Variants in TBCK observed in about 807,000 individuals in gnomAD.
TBCK encodes the protein TBC1 domain containing kinase.
Under a neutral mutation model 113.4 loss-of-function variants are expected in TBCK, and 99 were observed. The ratio of observed to expected loss-of-function variants is 0.87; its 90% CI spans 0.74 to 1.03. The LOEUF is 1.03. Ranked by LOEUF, TBCK falls within the 50% of genes least tolerant of loss-of-function variation. The pLI, the probability that TBCK is intolerant of heterozygous loss-of-function variation, is 0.00. For missense variants in TBCK, 1,045 were observed against 1,061.3 expected (o/e 0.98, Z 0.21); for synonymous variants, 369 against 370.8 (o/e 1.00, Z 0.05).
At chr4:106,213,543 T>C (rs1057224715) in intron 19 of TBCK, 2 of 154,526 alleles carry the variant, frequency 1.3e-5, no homozygotes, top group African/African-American at 4.8e-5. Context: ...GGGCGAGGCA[T>C]TGCCTCACTC....
intron 25 of TBCK, 126 bp downstream of exon 25, chr4:106,095,356 A>C: frequency 1.2e-6 from 1 of 821,278 alleles, no homozygotes; most frequent in Non-Finnish European, 1.8e-6. Context: ...AAGAACACAG[A>C]CAAATCTTCA....
At chr4:106,278,558 C>CCA (rs1553987887) in intron 3 of TBCK, among the ~76,000 whole-genome samples, 4 of 22,134 alleles carry the variant, frequency 1.8e-4, no homozygotes, top group Non-Finnish European at 3.3e-4. Context: ...AACTCTGTCT[C>CCA]AAAAAAAAAA....
rs1175734235 is a variant in TBCK, at chr4:106,046,264, A to G, written c.*306T>C. The G allele has an allele frequency of 1.3e-5, 3 of 230,462 alleles. No homozygotes were observed. Among genetic ancestry groups the G allele is most frequent in the Non-Finnish European group, 2.5e-5 (3 of 118,132 alleles). 14.3% of individuals were successfully genotyped at this position (230,462 alleles called of 1,614,324 possible). On this transcript the variant is annotated 3_prime_UTR_variant, in exon 26 of 26. Transcript: ENST00000394708. ...GGACAGCTTTTTCAGGGCAAATGGG[A>G]TTTCTTGATAATGCTAAATCTGTCT...
At chr4:106,272,599 C>T (rs1007096966) in intron 3 of TBCK, among the ~76,000 whole-genome samples, 6 of 149,516 alleles carry the variant, frequency 4.0e-5, no homozygotes, top group Admixed American at 6.8e-5. Context: ...TCATGCCATT[C>T]TCCTGCCTCA....
chr4:106,195,685 T>C (rs1309276510), intron 20 of TBCK, among the ~76,000 whole-genome samples: 1 of 151,986 alleles, frequency 6.6e-6, no homozygotes, highest in Non-Finnish European at 1.5e-5. Flanking sequence ...CCGGAACATT[T>C]CATCTAATCT....
At chr4:106,241,980 A>C (rs1760192679) in intron 12 of TBCK, among the ~76,000 whole-genome samples, 1 of 152,038 alleles carries the variant, frequency 6.6e-6, no homozygotes, top group African/African-American at 2.4e-5. Flanking sequence ...ACAGCTCACA[A>C]AGATACGATA....
intron 23 of TBCK, among the ~76,000 whole-genome samples, chr4:106,158,251 C>G (rs935927411): frequency 3.9e-5 from 6 of 152,034 alleles, no homozygotes; most frequent in Non-Finnish European, 8.8e-5. Flanking sequence ...AGAGACCAGT[C>G]AGAAAATTGT....
At chr4:106,185,127 G>GT (rs1579166103) in intron 22 of TBCK, among the ~76,000 whole-genome samples, 2 of 151,986 alleles carry the variant, frequency 1.3e-5, no homozygotes, top group East Asian at 3.9e-4. Flanking sequence ...AGCAGTTTTC[G>GT]TATGATTGAT....
chr4:106,313,317 C>T (rs1238084010), intron 1 of TBCK, among the ~76,000 whole-genome samples: 1 of 151,174 alleles, frequency 6.6e-6, no homozygotes, highest in Non-Finnish European at 1.5e-5. Context: ...GTGGGAGGAT[C>T]ACGTGAGGTC....
chr4:106,123,113 A>T (rs897460002), intron 23 of TBCK, among the ~76,000 whole-genome samples: 16 of 152,336 alleles, frequency 1.1e-4, no homozygotes, highest in African/African-American at 3.8e-4. Context: ...ACATGAGTGT[A>T]TATCTAGAAA....
chr4:106,171,226 A>G lies in TBCK; in HGVS notation c.2104T>C (p.Cys702Arg), dbSNP rs527475710. Residue 702 changes from cysteine to arginine, a missense_variant, in exon 23 of 26, where the codon TGT becomes CGT. Transcript: ENST00000394708. ...TAAGTAGCACTTTTAGGAGTCCAACAAAACAGGTTGATAGATTCTCTCACA... is the reference window on the plus strand; with the variant it reads ...TAAGTAGCACTTTTAGGAGTCCAACGAAACAGGTTGATAGATTCTCTCACA... ...RCVRESINLFCWTPKSATYRQ... is the reference protein window; with the variant it reads ...RCVRESINLFRWTPKSATYRQ... The G allele has an allele frequency of 1.1e-5, 18 of 1,612,008 alleles. No individual in the cohort carries two copies. Among genetic ancestry groups the G allele is most frequent in the Non-Finnish European group, 1.4e-5 (17 of 1,179,254 alleles).
intron 1 of TBCK, among the ~76,000 whole-genome samples, chr4:106,311,985 G>A (rs892186803): frequency 2.0e-5 from 3 of 152,054 alleles, no homozygotes; most frequent in African/African-American, 7.2e-5. Flanking sequence ...GAAAACATAA[G>A]CGAATATCTT....
At position 106,047,752 on chromosome 4, in the gene TBCK, T is replaced by C. The variant is rs984668798; in HGVS notation, c.2572-1072A>G. Among the ~76,000 whole-genome samples, 57 of 152,254 alleles carry C rather than the reference T, an allele frequency of 3.7e-4. No homozygotes were observed. In the Middle Eastern group the frequency reaches 0.01, roughly 27 times the overall value. On this transcript the variant is annotated intron_variant, in intron 25 of 25. Transcript: ENST00000394708. ...ATGTTTGCTGGATTGAACTAAACTA[T>C]GCCAAATGACCATAAAACCTAGGGC... is the stretch of plus-strand genomic sequence containing the variant.
At chr4:106,233,400 G>A (rs781412354) in intron 16 of TBCK, among the ~76,000 whole-genome samples, 188 bp downstream of exon 16, 2 of 151,976 alleles carry the variant, frequency 1.3e-5, no homozygotes, top group Admixed American at 6.6e-5. Context: ...AAGGTAACTT[G>A]ACCTAAAGTC....
intron 23 of TBCK, among the ~76,000 whole-genome samples, chr4:106,117,160 A>G (rs1490451275): frequency 6.6e-6 from 1 of 152,190 alleles, no homozygotes; most frequent in Non-Finnish European, 1.5e-5. Context: ...TCAAACATGT[A>G]GAAAGAGATG....
At chr4:106,072,378 A>G (rs1279637285) in intron 25 of TBCK, among the ~76,000 whole-genome samples, 1 of 152,192 alleles carries the variant, frequency 6.6e-6, no homozygotes, top group East Asian at 1.9e-4. Flanking sequence ...TGGATATGAA[A>G]TTCTGGGTTG....
At chr4:106,260,350 A>G (rs1762387611) in intron 5 of TBCK, 87 bp downstream of exon 5, 7 of 513,812 alleles carry the variant, frequency 1.4e-5, no homozygotes, top group Admixed American at 8.7e-5. Flanking sequence ...TCAAAAAGGA[A>G]TATCAAATAT....
intron 10 of TBCK, among the ~76,000 whole-genome samples, chr4:106,246,264 C>T (rs1469293815): frequency 6.6e-6 from 1 of 152,092 alleles, no homozygotes; most frequent in East Asian, 1.9e-4. Context: ...CTTAAAGATA[C>T]AGTATGTGAC....
At chr4:106,156,028 T>C (rs1209591677) in intron 23 of TBCK, among the ~76,000 whole-genome samples, 1 of 152,158 alleles carries the variant, frequency 6.6e-6, no homozygotes, top group Non-Finnish European at 1.5e-5. Flanking sequence ...CTGTATTTCC[T>C]GCAAGGCTTT....
Sources: allele counts gnomAD v4.1 joint callset (sites outside exome capture counted in the v4.1 genomes callset), GRCh38; gene constraint gnomAD v4.1.1; transcripts MANE v1.5; gene names NCBI Gene and HGNC (gene_info 2026-07-23, HGNC 2026-07-21).